Variants in ZC3H4 observed in about 807,000 individuals in gnomAD.
The protein encoded by ZC3H4 is zinc finger CCCH-type containing 4, also known as zinc finger CCCH domain-containing protein 4.
ZC3H4 carries 13 observed loss-of-function variants against 108.3 expected under a neutral mutation model. The ratio of observed to expected loss-of-function variants is 0.12; its 90% CI spans 0.08 to 0.19. ZC3H4 has a LOEUF of 0.19. Among genes scored for constraint, ZC3H4 ranks in the 10% least tolerant of loss-of-function variants. The pLI is 1.00. For missense variants in ZC3H4, 1,734 were observed against 1,838.8 expected, an observed-to-expected ratio of 0.94 and a Z score of 1.04; for synonymous variants, 917 against 749.6, an observed-to-expected ratio of 1.22 and a Z score of -3.65.
At chr19:47,093,767 G>A (rs1320747735) in intron 4 of ZC3H4, 2 of 469,962 alleles carry the variant, frequency 4.3e-6, no homozygotes, top group African/African-American at 3.9e-5. Context: ...TTTTTTGTGG[G>A]GTCTCACTTG....
chr19:47,097,198 C>T (rs16980833), intron 2 of ZC3H4, among the ~76,000 whole-genome samples: 1,693 of 152,320 alleles, frequency 0.011, 22 homozygotes, highest in African/African-American at 0.04. Context: ...TTAACAGCTC[C>T]AGGCACATCT....
At chr19:47,109,568 G>A (rs764099476) in intron 2 of ZC3H4, among the ~76,000 whole-genome samples, 4 of 152,144 alleles carry the variant, frequency 2.6e-5, no homozygotes, top group African/African-American at 4.8e-5. Flanking sequence ...TGTTCGGTTC[G>A]TGCTTCAGAC....
chr19:47,103,620 C>T (rs1441996147), intron 2 of ZC3H4, among the ~76,000 whole-genome samples: 1 of 151,886 alleles, frequency 6.6e-6, no homozygotes, highest in African/African-American at 2.4e-5. Context: ...CCTGTCTCCA[C>T]TAAAAATATA....
intron 2 of ZC3H4, among the ~76,000 whole-genome samples, chr19:47,099,112 C>T (rs554385929): frequency 1.3e-5 from 2 of 152,292 alleles, no homozygotes; most frequent in African/African-American, 4.8e-5. Flanking sequence ...CATCTCTCCA[C>T]GGAAAGCCCT....
At chr19:47,076,604 C>T (rs1458909015) in intron 11 of ZC3H4, among the ~76,000 whole-genome samples, 1 of 152,152 alleles carries the variant, frequency 6.6e-6, no homozygotes, top group African/African-American at 2.4e-5. Context: ...GCCTGTAATC[C>T]CAGCACTTTG....
intron 14 of ZC3H4, 60 bp downstream of exon 14, chr19:47,069,032 C>T (rs576467967): frequency 5.3e-5 from 84 of 1,596,788 alleles, no homozygotes; most frequent in Non-Finnish European, 6.5e-5. Flanking sequence ...ACCCCACCAC[C>T]GCCGCTCCCC....
chr19:47,087,944 C>A (rs780314871), intron 5 of ZC3H4, among the ~76,000 whole-genome samples: 4 of 150,740 alleles, frequency 2.7e-5, no homozygotes, highest in Non-Finnish European at 5.9e-5. Context: ...GAGGCTGAGG[C>A]GGGCGGATCA....
chr19:47,067,963 TG>T lies in ZC3H4; in HGVS notation c.2399-95del. 8.0e-7 allele frequency: 1 copy of T among 1,243,858 alleles called. No individual in the cohort carries two copies. The highest frequency in any genetic ancestry group is 1.1e-6 in the Non-Finnish European group (1 of 891,514). 77.1% of individuals were successfully genotyped at this position (1,243,858 alleles called of 1,614,324 possible). A position where few individuals can be genotyped will look rare whatever the true frequency, so the allele number is the denominator to read the frequency against. ...AGCAGCCCACCGTGAGCAGCTCCTT[TG>T]CTTGTGCCTCTCAGAACCTCAGGTC... On this transcript the variant is annotated intron_variant, in intron 14 of 14. Coordinates refer to ENST00000253048, the MANE Select transcript of ZC3H4 (RefSeq NM_015168.2). The surrounding 1 kb of genome is among the most constrained non-coding windows in gnomAD (Gnocchi z 6.4).
chr19:47,110,789 T>C (rs2058028789), intron 2 of ZC3H4: 1 of 574,308 alleles, frequency 1.7e-6, no homozygotes, highest in Non-Finnish European at 2.2e-6. Flanking sequence ...CCTTTGCTAA[T>C]CTGTTTATTT....
intron 11 of ZC3H4, among the ~76,000 whole-genome samples, chr19:47,079,646 C>T (rs929351182): frequency 1.3e-5 from 2 of 152,132 alleles, no homozygotes; most frequent in African/African-American, 4.8e-5. Context: ...ACTTGTAATC[C>T]CAGCGATTTG....
Position 47,072,084 on chromosome 19 carries a change from GGCCCAT to G in ZC3H4, c.1834_1839del (p.Met612_Gly613del). On this transcript the variant is annotated inframe_deletion, in exon 13 of 15. Transcript: ENST00000253048. The surrounding 1 kb of genome is among the most constrained non-coding windows in gnomAD (Gnocchi z 5.6). ...CCTGGGGGTCCCATGTTGGGCCCAG[GGCCCAT>G]TGGCCCTGGGGGTCCACCGGGTCCA... 6.4e-7 allele frequency: 1 copy of G among 1,559,672 alleles called. No homozygotes were observed. Among genetic ancestry groups the G allele is most frequent in the Non-Finnish European group, 8.6e-7 (1 of 1,156,166 alleles).
chr19:47,071,832 A>G lies in ZC3H4; in HGVS notation c.2092T>C (p.Phe698Leu). 6.2e-7 allele frequency: 1 copy of G among 1,613,602 alleles called. No homozygotes were observed. The highest frequency in any genetic ancestry group is 8.5e-7 in the Non-Finnish European group (1 of 1,179,888). The change falls in exon 13 of 15, where the codon TTC becomes CTC. Residue 698 changes from phenylalanine (F) to leucine (L), a missense_variant. By Grantham distance (22) the Phe-to-Leu change is conservative. Around this residue, in one of 9 missense-constraint regions of ZC3H4, gnomAD observed 540 missense variants for 484.1 expected, o/e 1.12. Coordinates refer to ENST00000253048, the MANE Select transcript of ZC3H4 (RefSeq NM_015168.2). ...IPPAQNFYEN[F>L]YQQQEGMEME... ...TCCATGCCCTCCTGCTGCTGGTAGA[A>G]GTTTTCATAGAAGTTCTGGGCTGGC...
chr19:47,087,297 C>CAAA (rs113461090), intron 5 of ZC3H4, among the ~76,000 whole-genome samples: 2 of 146,494 alleles, frequency 1.4e-5, no homozygotes, highest in African/African-American at 5.2e-5. Flanking sequence ...CACACACACA[C>CAAA]AAAAAAAAAC....
At chr19:47,082,898 G>C in intron 9 of ZC3H4, among the ~76,000 whole-genome samples, 1 of 152,160 alleles carries the variant, frequency 6.6e-6, no homozygotes, top group Non-Finnish European at 1.5e-5. Flanking sequence ...GTTGAACACA[G>C]TCTCAACGAC....
intron 4 of ZC3H4, 147 bp from the exon 5 acceptor site, chr19:47,090,336 T>A: frequency 1.2e-6 from 1 of 823,336 alleles, no homozygotes; most frequent in Non-Finnish European, 1.9e-6. Context: ...CCAGCCCCTC[T>A]GGGGACTGGT....
At chr19:47,101,644 G>A (rs895685295) in intron 2 of ZC3H4, among the ~76,000 whole-genome samples, 5 of 152,034 alleles carry the variant, frequency 3.3e-5, no homozygotes, top group African/African-American at 9.6e-5. Flanking sequence ...AGGCTGAGGC[G>A]GGCGGATCAC....
chr19:47,109,472 C>T (rs1324839253), intron 2 of ZC3H4, among the ~76,000 whole-genome samples: 2 of 152,174 alleles, frequency 1.3e-5, no homozygotes, highest in Non-Finnish European at 2.9e-5. Flanking sequence ...TTCTCAGCTC[C>T]TGGAGAAAGA....
chr19:47,094,426 T>C lies in ZC3H4; in HGVS notation c.344A>G (p.Lys115Arg). Residue 115 changes from lysine to arginine, a missense_variant, in exon 3 of 15, where the codon AAA becomes AGA. Physicochemically the swap from Lys to Arg is conservative, Grantham distance 26 (BLOSUM62 2). Around this residue, in one of 9 missense-constraint regions of ZC3H4, gnomAD observed 403 missense variants for 457.0 expected, o/e 0.88. Coordinates refer to ENST00000253048, the MANE Select transcript of ZC3H4 (RefSeq NM_015168.2). Reference sequence around the variant, plus strand: ...TTTCCTCCTCTTCTTCGACCTCCTTTTCTCTTTCTCCCGCTCTTTCTTCCG... The same window carrying C: ...TTTCCTCCTCTTCTTCGACCTCCTTCTCTCTTTCTCCCGCTCTTTCTTCCG... ...RKRKKEREKEKRRSKKRRKSK... is the reference protein window; with the variant it reads ...RKRKKEREKERRRSKKRRKSK... 6.2e-7 allele frequency: 1 copy of C among 1,614,168 alleles called. No individual in the cohort carries two copies. Among genetic ancestry groups the C allele is most frequent in the Non-Finnish European group, 8.5e-7 (1 of 1,180,030 alleles).
Position 47,067,227 on chromosome 19 carries a change from C to T in ZC3H4, c.3041G>A (p.Arg1014His), listed in dbSNP as rs1434098827. The T allele has an allele frequency of 5.0e-6, 8 of 1,606,172 alleles. No individual in the cohort carries two copies. Among genetic ancestry groups the T allele is most frequent in the African/African-American group, 2.7e-5 (2 of 74,534 alleles). The change falls in exon 15 of 15, where the codon CGC (arginine) becomes CAC (histidine). Residue 1014 changes from arginine to histidine, a missense_variant. Arg to His is a conservative substitution (Grantham distance 29). Around this residue, in one of 9 missense-constraint regions of ZC3H4, gnomAD observed 518 missense variants for 499.6 expected, o/e 1.04. Coordinates refer to ENST00000253048, the MANE Select transcript of ZC3H4 (RefSeq NM_015168.2). The surrounding 1 kb of genome is among the most constrained non-coding windows in gnomAD (Gnocchi z 6.4). ...SMPTLDPRLH[R>H]AATAGPPNAR... Reference sequence around the variant, plus strand: ...GTTGGGGGGCCCTGCCGTGGCAGCGCGGTGCAGCCGGGGGTCCAGGGTGGG... The same window carrying T: ...GTTGGGGGGCCCTGCCGTGGCAGCGTGGTGCAGCCGGGGGTCCAGGGTGGG...
Sources: gnomAD v4.1 joint callset for allele counts (sites outside exome capture counted in the v4.1 genomes callset) on GRCh38, gnomAD v4.1.1 for gene constraint, gnomAD v4.1.1 regional missense constraint, Gnocchi (gnomAD v3.1) non-coding constraint, MANE v1.5 for transcripts, NCBI Gene and HGNC (gene_info 2026-07-23, HGNC 2026-07-21) for gene names.